PPA2: variants seen among roughly 807,000 people sequenced by gnomAD.
The protein encoded by PPA2 is inorganic pyrophosphatase 2, also known as inorganic pyrophosphatase 2, mitochondrial.
In PPA2, 48 loss-of-function variants were observed where a neutral mutation model predicts 49.5. That is an observed-to-expected ratio of 0.97 (90% CI 0.77 to 1.23). PPA2 has a LOEUF of 1.23. PPA2 is among the 50% of genes most tolerant of loss of function. The pLI, the probability that PPA2 is intolerant of heterozygous loss-of-function variation, is 0.00. For synonymous variants in PPA2, 131 were observed against 139.9 expected (o/e 0.94, Z 0.45); for missense variants, 429 against 410.1 (o/e 1.05, Z -0.40).
chr4:105,414,322 CT>C (rs1560619833), intron 7 of PPA2, among the ~76,000 whole-genome samples: 1 of 152,226 alleles, frequency 6.6e-6, no homozygotes. Context: ...TCAGCTGTCG[CT>C]TTTCCAGCTG....
At chr4:105,449,530 C>T (rs1024074086) in intron 3 of PPA2, 127 bp from the exon 4 acceptor site, 2 of 550,364 alleles carry the variant, frequency 3.6e-6, no homozygotes, top group African/African-American at 3.9e-5. Context: ...CTCCATCATA[C>T]ATCTACCTAT....
At chr4:105,381,587 G>T (rs1733491000) in intron 10 of PPA2, among the ~76,000 whole-genome samples, 3 of 151,876 alleles carry the variant, frequency 2.0e-5, no homozygotes. Flanking sequence ...ATTTATTATT[G>T]ATTTAATATT....
chr4:105,402,803 A>G (rs1249546511), intron 7 of PPA2, among the ~76,000 whole-genome samples: 1 of 152,214 alleles, frequency 6.6e-6, no homozygotes, highest in East Asian at 1.9e-4. Context: ...TAGGTGAACT[A>G]TGATGAGGGC....
intron 9 of PPA2, among the ~76,000 whole-genome samples, chr4:105,389,153 T>C (rs1321399656): frequency 1.3e-5 from 2 of 152,148 alleles, no homozygotes; most frequent in East Asian, 3.9e-4. Flanking sequence ...AAAAGTGTAA[T>C]AAAAGGCATG....
intron 1 of PPA2, among the ~76,000 whole-genome samples, chr4:105,462,907 G>C (rs1723152974): frequency 6.6e-6 from 1 of 152,216 alleles, no homozygotes; most frequent in Non-Finnish European, 1.5e-5. Flanking sequence ...CCCTACCCAT[G>C]TAAAACTGTA....
intron 10 of PPA2, among the ~76,000 whole-genome samples, chr4:105,379,630 ATTT>A (rs70964652): frequency 0.11 from 14,416 of 127,504 alleles, 1,068 homozygotes; most frequent in East Asian, 0.42. Flanking sequence ...CGCCTGGCTA[ATTT>A]TTTTTTTTTT....
chr4:105,434,724 G>C (rs1215301415), intron 6 of PPA2, among the ~76,000 whole-genome samples: 1 of 152,198 alleles, frequency 6.6e-6, no homozygotes, highest in East Asian at 1.9e-4. Context: ...GATAAGACAT[G>C]TATAGGTTAT....
intron 1 of PPA2, among the ~76,000 whole-genome samples, chr4:105,465,761 CAT>C (rs1483151846): frequency 6.6e-6 from 1 of 152,190 alleles, no homozygotes; most frequent in Non-Finnish European, 1.5e-5. Flanking sequence ...CCCAGCAAGA[CAT>C]GTGGGATCCT....
intron 5 of PPA2, among the ~76,000 whole-genome samples, chr4:105,441,950 A>G (rs1449326154): frequency 6.6e-6 from 1 of 152,082 alleles, no homozygotes; most frequent in African/African-American, 2.4e-5. Flanking sequence ...CTTCCTGATT[A>G]ACCAGCATTC....
chr4:105,396,231 G>T lies in PPA2; in HGVS notation c.869+18C>A. The T allele has an allele frequency of 6.7e-7, 1 of 1,485,760 alleles. No homozygotes were observed. Among genetic ancestry groups the T allele is most frequent in the South Asian group, 1.3e-5 (1 of 79,074 alleles). The allele number at this position is 1,485,760 out of a possible 1,614,324, so 92.0% of individuals were successfully genotyped here. On this transcript the variant is annotated intron_variant, in intron 9 of 11. Transcript: ENST00000341695. ...CAATTAATATAACATTACTTACATA[G>T]AAAAGACAAATTCTTACCAATTTAT... is the stretch of plus-strand genomic sequence containing the variant.
intron 1 of PPA2, among the ~76,000 whole-genome samples, chr4:105,457,158 A>G (rs1722906809): frequency 6.6e-6 from 1 of 152,200 alleles, no homozygotes; most frequent in Non-Finnish European, 1.5e-5. Flanking sequence ...TCTACCTACT[A>G]TCCATGGGAA....
chr4:105,425,934 G>C (rs1271952856), intron 6 of PPA2, among the ~76,000 whole-genome samples: 2 of 152,072 alleles, frequency 1.3e-5, no homozygotes, highest in East Asian at 3.9e-4. Context: ...TAGAAGCAAT[G>C]TAAGCCAAAA....
intron 3 of PPA2, among the ~76,000 whole-genome samples, chr4:105,452,040 C>T (rs1392194962): frequency 6.6e-6 from 1 of 152,148 alleles, no homozygotes; most frequent in Non-Finnish European, 1.5e-5. Flanking sequence ...TCCTTCAGTC[C>T]TTTTCTTTCT....
At chr4:105,376,724 A>C (rs1287763202) in intron 10 of PPA2, among the ~76,000 whole-genome samples, 1 of 152,168 alleles carries the variant, frequency 6.6e-6, no homozygotes, top group Non-Finnish European at 1.5e-5. Context: ...CTTGGCCTGA[A>C]TTCTAGATTG....
At chr4:105,378,170 A>G (rs1016304191) in intron 10 of PPA2, among the ~76,000 whole-genome samples, 1 of 152,184 alleles carries the variant, frequency 6.6e-6, no homozygotes, top group Non-Finnish European at 1.5e-5. Flanking sequence ...CCAGCAGTAA[A>G]TGAGAATTGT....
intron 7 of PPA2, among the ~76,000 whole-genome samples, chr4:105,420,405 A>C (rs1447911919): frequency 6.6e-6 from 1 of 152,176 alleles, no homozygotes; most frequent in Non-Finnish European, 1.5e-5. Context: ...CATGCCGGCC[A>C]AGGATTTACT....
intron 6 of PPA2, among the ~76,000 whole-genome samples, chr4:105,437,420 A>G (rs2636741): frequency 0.57 from 86,873 of 151,958 alleles, 25,214 homozygotes; most frequent in East Asian, 0.68. Context: ...GGGAGCATCA[A>G]TCTCTGAAAT....
intron 7 of PPA2, among the ~76,000 whole-genome samples, chr4:105,419,674 A>G (rs1298645784): frequency 1.3e-5 from 2 of 152,254 alleles, no homozygotes; most frequent in African/African-American, 4.8e-5. Flanking sequence ...TAAGTATTAA[A>G]ACAGGGATAT....
intron 5 of PPA2, among the ~76,000 whole-genome samples, chr4:105,439,604 G>A (rs561113400): frequency 6.6e-6 from 1 of 151,942 alleles, no homozygotes; most frequent in Admixed American, 6.6e-5. Flanking sequence ...TAAATGGTAT[G>A]GCATTTGTGA....
Sources: gnomAD v4.1 joint callset for allele counts (sites outside exome capture counted in the v4.1 genomes callset) on GRCh38, gnomAD v4.1.1 for gene constraint, MANE v1.5 for transcripts, NCBI Gene and HGNC (gene_info 2026-07-23, HGNC 2026-07-21) for gene names.